SLC14A2: variants seen among roughly 807,000 people sequenced by gnomAD.
SLC14A2 encodes the protein urea transporter 2.
A neutral mutation model predicts 104.6 loss-of-function variants in SLC14A2; 91 were observed. The observed-to-expected ratio is 0.87, with a 90% CI of 0.73 to 1.04. The LOEUF (loss-of-function observed/expected upper bound fraction) is 1.04, where lower values mean the gene tolerates loss of function less well. Among genes scored for constraint, SLC14A2 ranks in the 50% least tolerant of loss-of-function variants. The probability of loss-of-function intolerance (pLI) is 0.00; values close to 1 mark genes in which losing one functional copy is unlikely to be tolerated. For synonymous variants in SLC14A2, 476 were observed against 466.4 expected (o/e 1.02, Z -0.27); for missense variants, 1,189 against 1,156.0 (o/e 1.03, Z -0.41).
At chr18:45,542,867 T>A (rs2043912150) in intron 2 of SLC14A2, among the ~76,000 whole-genome samples, 1 of 151,952 alleles carries the variant, frequency 6.6e-6, no homozygotes, top group African/African-American at 2.4e-5. Context: ...GGGCTGTTAT[T>A]TATTTAATAT....
intron 4 of SLC14A2, among the ~76,000 whole-genome samples, chr18:45,630,139 CAGG>C (rs1191514977): frequency 3.3e-5 from 5 of 152,174 alleles, no homozygotes; most frequent in Non-Finnish European, 7.3e-5. Context: ...TAAGCATGTT[CAGG>C]AGAAGTTGGT....
chr18:45,270,457 C>G (rs2084640276), intron 1 of SLC14A2, among the ~76,000 whole-genome samples: 1 of 152,116 alleles, frequency 6.6e-6, no homozygotes, highest in African/African-American at 2.4e-5. Context: ...ATGCTTGCTA[C>G]TCTGATGAGA....
chr18:45,404,347 C>A (rs573864942), intron 1 of SLC14A2, among the ~76,000 whole-genome samples: 1 of 152,260 alleles, frequency 6.6e-6, no homozygotes, highest in South Asian at 2.1e-4. Flanking sequence ...ATCCATAAAT[C>A]AAACGCCACT....
At chr18:45,486,332 A>C (rs2087604728) in intron 2 of SLC14A2, among the ~76,000 whole-genome samples, 1 of 151,012 alleles carries the variant, frequency 6.6e-6, no homozygotes, top group African/African-American at 2.4e-5. Context: ...ATTTTATTAT[A>C]CATTCTCCTG....
intron 1 of SLC14A2, among the ~76,000 whole-genome samples, chr18:45,282,418 T>C (rs1416369571): frequency 6.6e-6 from 1 of 152,198 alleles, no homozygotes; most frequent in Non-Finnish European, 1.5e-5. Context: ...TGGGCTCAGC[T>C]GGCCTTGGAG....
intron 18 of SLC14A2, among the ~76,000 whole-genome samples, chr18:45,677,183 C>T (rs1259489626): frequency 1.3e-5 from 2 of 152,228 alleles, no homozygotes; most frequent in Non-Finnish European, 2.9e-5. Context: ...GGAGCCCACA[C>T]GGGGTTTTCG....
intron 2 of SLC14A2, among the ~76,000 whole-genome samples, chr18:45,519,788 T>A (rs1318405648): frequency 6.6e-6 from 1 of 152,210 alleles, no homozygotes; most frequent in Non-Finnish European, 1.5e-5. Flanking sequence ...GATCTGCTCA[T>A]CCCCTGGAGC....
intron 18 of SLC14A2, 94 bp downstream of exon 18, chr18:45,673,911 ATAGAT>A: frequency 7.8e-7 from 1 of 1,288,768 alleles, no homozygotes; most frequent in Non-Finnish European, 1.1e-6. Flanking sequence ...TTAGTAATTA[ATAGAT>A]TAAACACTAT....
chr18:45,196,955 T>C, the SLC14A2 span, among the ~76,000 whole-genome samples: 1 of 152,214 alleles, frequency 6.6e-6, no homozygotes. Flanking sequence ...GAAAACGAAT[T>C]AGCCAATGGG....
upstream of SLC14A2, among the ~76,000 whole-genome samples, chr18:45,613,444 G>A (rs2045005756): frequency 2.0e-5 from 3 of 152,204 alleles, no homozygotes; most frequent in African/African-American, 7.2e-5. Context: ...ACAGGCAGAG[G>A]TTGGAACAGT....
intron 10 of SLC14A2, among the ~76,000 whole-genome samples, chr18:45,656,158 G>T (rs1315352212): frequency 6.6e-6 from 1 of 152,202 alleles, no homozygotes; most frequent in South Asian, 2.1e-4. Context: ...ACTTCAAAAG[G>T]TGTAGTCTAG....
At chr18:45,625,044 TTCAA>T (rs1354828610) in intron 2 of SLC14A2, among the ~76,000 whole-genome samples, 1 of 152,192 alleles carries the variant, frequency 6.6e-6, no homozygotes, top group Admixed American at 6.5e-5. Context: ...TCACCAGTCT[TTCAA>T]TCAGTCTCTA....
chr18:45,391,338 G>A (rs988922468), intron 1 of SLC14A2, among the ~76,000 whole-genome samples: 2 of 152,130 alleles, frequency 1.3e-5, no homozygotes, highest in African/African-American at 4.8e-5. Flanking sequence ...TTGGACATTT[G>A]GCTTAGTTCC....
chr18:45,334,086 C>T (rs1472140550), intron 1 of SLC14A2, among the ~76,000 whole-genome samples: 2 of 152,170 alleles, frequency 1.3e-5, no homozygotes, highest in Non-Finnish European at 2.9e-5. Context: ...ATTCAAAAGC[C>T]TGTGTTGCTT....
At chr18:45,425,222 T>C (rs1364750952) in intron 1 of SLC14A2, among the ~76,000 whole-genome samples, 1 of 152,258 alleles carries the variant, frequency 6.6e-6, no homozygotes, top group East Asian at 1.9e-4. Context: ...ATGCTGACCC[T>C]CCATAGCCCA....
chr18:45,413,953 A>T (rs1263018856), intron 1 of SLC14A2, among the ~76,000 whole-genome samples: 2 of 145,644 alleles, frequency 1.4e-5, no homozygotes, highest in Non-Finnish European at 3.0e-5. Flanking sequence ...AATAGAGCGT[A>T]AAAAAAAAAG....
At chr18:45,385,993 GC>G (rs1359837275) in intron 1 of SLC14A2, among the ~76,000 whole-genome samples, 2 of 152,210 alleles carry the variant, frequency 1.3e-5, no homozygotes, top group African/African-American at 4.8e-5. Context: ...CACAATGACT[GC>G]CCACAGGAGC....
intron 2 of SLC14A2, among the ~76,000 whole-genome samples, chr18:45,491,223 C>T (rs950256928): frequency 6.6e-6 from 1 of 152,094 alleles, no homozygotes; most frequent in Non-Finnish European, 1.5e-5. Flanking sequence ...ATCAATAGAG[C>T]AATGGGAAAA....
intron 1 of SLC14A2, among the ~76,000 whole-genome samples, chr18:45,245,268 G>A (rs1338102843): frequency 6.6e-6 from 1 of 152,124 alleles, no homozygotes; most frequent in Non-Finnish European, 1.5e-5. Flanking sequence ...TATAACCCTG[G>A]CTTGCCTTAT....
Sources: allele counts gnomAD v4.1 joint callset (sites outside exome capture counted in the v4.1 genomes callset), GRCh38; gene constraint gnomAD v4.1.1; transcripts MANE v1.5; gene names NCBI Gene and HGNC (gene_info 2026-07-23, HGNC 2026-07-21).